Variants in CIMIP2A observed in about 807,000 individuals in gnomAD.
The protein encoded by CIMIP2A is ciliary microtubule inner protein 2A, also known as family with sequence similarity 166 member A.
At chr9:137,252,673 A>G in the CIMIP2A span, 1 of 1,547,460 alleles carries the variant, frequency 6.5e-7, no homozygotes, top group East Asian at 2.5e-5. Context: ...GGCCCTCGCC[A>G]GCCCACTACC....
the CIMIP2A span, among the ~76,000 whole-genome samples, chr9:137,246,246 C>G: frequency 6.6e-6 from 1 of 152,336 alleles, no homozygotes; most frequent in South Asian, 2.1e-4. Context: ...CTTGGACACA[C>G]GCAGGGCCCA....
the CIMIP2A span, among the ~76,000 whole-genome samples, chr9:137,248,313 C>T: frequency 2.8e-4 from 42 of 152,050 alleles, no homozygotes; most frequent in African/African-American, 8.7e-4. Flanking sequence ...TTTGGGAGGC[C>T]GAGGCAGGCA....
chr9:137,251,854 A>G, the CIMIP2A span: 1 of 1,608,284 alleles, frequency 6.2e-7, no homozygotes, highest in Non-Finnish European at 8.5e-7. Context: ...GGCACCCCCC[A>G]GGAGTCCCTG....
chr9:137,252,701 G>T, the CIMIP2A span: 2 of 1,551,662 alleles, frequency 1.3e-6, no homozygotes, highest in East Asian at 2.4e-5. Context: ...CAGCCGGCCC[G>T]CCTTCCCCGC....
At chr9:137,247,576 G>T in the CIMIP2A span, 19 of 1,301,260 alleles carry the variant, frequency 1.5e-5, no homozygotes, top group Non-Finnish European at 2.1e-5. Flanking sequence ...GCCCCTCACA[G>T]CTGGCCTCCA....
At chr9:137,246,715 A>T in the CIMIP2A span, among the ~76,000 whole-genome samples, 4 of 152,082 alleles carry the variant, frequency 2.6e-5, no homozygotes, top group East Asian at 5.8e-4. Context: ...GTGAGCCAAG[A>T]TCGCCCCACT....
At chr9:137,244,567 C>T in the CIMIP2A span, 6 of 1,582,856 alleles carry the variant, frequency 3.8e-6, no homozygotes, top group Admixed American at 1.8e-5. Context: ...TCAAGGCACC[C>T]TCCAGGGAAG....
At chr9:137,249,369 C>T in the CIMIP2A span, among the ~76,000 whole-genome samples, 1 of 152,184 alleles carries the variant, frequency 6.6e-6, no homozygotes, top group Non-Finnish European at 1.5e-5. Context: ...CAAACTGGGA[C>T]CATTGCTTCC....
the CIMIP2A span, chr9:137,251,509 G>A: frequency 1.0e-5 from 10 of 996,688 alleles, no homozygotes; most frequent in Middle Eastern, 3.2e-4. Flanking sequence ...GAGGGACAGT[G>A]TGGGGACAGG....
the CIMIP2A span, among the ~76,000 whole-genome samples, chr9:137,249,154 C>A: frequency 2.0e-5 from 3 of 152,068 alleles, no homozygotes; most frequent in African/African-American, 7.2e-5. Flanking sequence ...CTGTGCCCGG[C>A]CAATATGACC....
At chr9:137,247,477 C>T in the CIMIP2A span, among the ~76,000 whole-genome samples, 1 of 152,220 alleles carries the variant, frequency 6.6e-6, no homozygotes, top group Non-Finnish European at 1.5e-5. Flanking sequence ...GCAACCCCAT[C>T]CCTGAGCTTC....
the CIMIP2A span, chr9:137,244,380 C>T: frequency 1.3e-6 from 2 of 1,591,460 alleles, no homozygotes; most frequent in Non-Finnish European, 1.7e-6. Flanking sequence ...GGAGGGCCGG[C>T]ACTCCGTGGG....
chr9:137,243,601 T>C, the CIMIP2A span: 58 of 1,613,154 alleles, frequency 3.6e-5, no homozygotes, highest in Admixed American at 8.3e-5. Context: ...GTGAACTCTT[T>C]ATTCACTCCC....
chr9:137,243,878 G>A, the CIMIP2A span: 3 of 1,347,946 alleles, frequency 2.2e-6, no homozygotes, highest in Non-Finnish European at 3.2e-6. Context: ...GTGTGGGGCT[G>A]CCCTGGGCCC....
At chr9:137,252,713 T>G in the CIMIP2A span, 2 of 1,553,516 alleles carry the variant, frequency 1.3e-6, no homozygotes, top group South Asian at 2.4e-5. Flanking sequence ...CTTCCCCGCC[T>G]TCAGCTTCAG....
At chr9:137,251,698 G>A in the CIMIP2A span, 23 of 1,546,758 alleles carry the variant, frequency 1.5e-5, no homozygotes, top group South Asian at 6.0e-5. Flanking sequence ...GGCTGGGAGC[G>A]GCCGGGGGCT....
the CIMIP2A span, chr9:137,244,707 A>C: frequency 1.2e-6 from 2 of 1,613,476 alleles, no homozygotes; most frequent in East Asian, 4.5e-5. Context: ...CCCATTACCC[A>C]GGTGAAACGG....
the CIMIP2A span, chr9:137,253,262 C>A: frequency 1.3e-6 from 2 of 1,597,536 alleles, no homozygotes; most frequent in Non-Finnish European, 1.7e-6. Flanking sequence ...CTGGGCACAA[C>A]CTGCTTGGCC....
At chr9:137,253,249 C>T in the CIMIP2A span, 2 of 1,603,274 alleles carry the variant, frequency 1.2e-6, no homozygotes, top group Non-Finnish European at 1.7e-6. Flanking sequence ...GCTCTAGAGC[C>T]AGCTGGGCAC....
Sources: allele counts gnomAD v4.1 joint callset (sites outside exome capture counted in the v4.1 genomes callset), GRCh38; gene constraint gnomAD v4.1.1; transcripts MANE v1.5; gene names NCBI Gene and HGNC (gene_info 2026-07-23, HGNC 2026-07-21).